Variants in GALNT18 observed in about 807,000 individuals in gnomAD.
GALNT18 encodes the protein polypeptide N-acetylgalactosaminyltransferase 18, also known as GalNAc-transferase 18.
GALNT18 carries 44 observed loss-of-function variants against 69.5 expected under a neutral mutation model. That is an observed-to-expected ratio of 0.63 (90% CI 0.50 to 0.81). The LOEUF (loss-of-function observed/expected upper bound fraction) is 0.81, where lower values mean the gene tolerates loss of function less well. GALNT18 is among the 40% of genes least tolerant of loss of function. GALNT18 has a pLI of 0.00. For synonymous variants in GALNT18, 364 were observed against 318.2 expected, an observed-to-expected ratio of 1.14 and a Z score of -1.53; for missense variants, 715 against 810.0, an observed-to-expected ratio of 0.88 and a Z score of 1.42.
At chr11:11,545,375 G>A (rs1191145472) in intron 1 of GALNT18, among the ~76,000 whole-genome samples, 1 of 152,224 alleles carries the variant, frequency 6.6e-6, no homozygotes, top group South Asian at 2.1e-4. Context: ...AGGAAAGAGG[G>A]CTTCCTTCTC....
rs534936579 is a variant in GALNT18 at position 11,413,408 on chromosome 11, G to C, written c.595+19213C>G. ...ACTTTCTCTGGAGGCCATTTGATCT[G>C]GGGAGGTGATTTTAATCAGGGATTT... On this transcript the variant is annotated intron_variant, in intron 3 of 10. Transcript: ENST00000227756. The surrounding 1 kb of genome is among the most constrained non-coding windows in gnomAD (Gnocchi z 4.7). Among the ~76,000 whole-genome samples the C allele has an allele frequency of 1.3e-5, 2 of 152,300 alleles. No individual in the cohort carries two copies. Among genetic ancestry groups the C allele is most frequent in the East Asian group, 3.9e-4 (2 of 5,180 alleles).
chr11:11,365,980 C>T (rs561645840), intron 6 of GALNT18, among the ~76,000 whole-genome samples: 3 of 152,294 alleles, frequency 2.0e-5, no homozygotes, highest in Non-Finnish European at 4.4e-5. Context: ...TGCTGTCACT[C>T]AGGACTTCCA....
chr11:11,465,087 T>C lies in GALNT18; in HGVS notation c.236-16151A>G, dbSNP rs922732870. Among the ~76,000 whole-genome samples, 1 of 152,044 alleles carries C rather than the reference T, an allele frequency of 6.6e-6. No individual in the cohort carries two copies. The highest frequency in any genetic ancestry group is 2.1e-4 in the South Asian group (1 of 4,802). On this transcript the variant is annotated intron_variant, in intron 1 of 10. Coordinates refer to ENST00000227756, the MANE Select transcript of GALNT18 (RefSeq NM_198516.3). This position sits in a 1 kb window ranked among gnomAD's most constrained non-coding sequence, Gnocchi z 5.7. ...GAGTAACTTAGAACATAAGGCAACT[T>C]CTCTATCCTCTCTACGAGGACAGAG...
intron 9 of GALNT18, among the ~76,000 whole-genome samples, chr11:11,298,870 A>G (rs368186963): frequency 3.3e-5 from 5 of 152,338 alleles, no homozygotes; most frequent in African/African-American, 9.6e-5. Context: ...GACGTTGCAG[A>G]TGAGTAGGCC....
intron 1 of GALNT18, among the ~76,000 whole-genome samples, chr11:11,513,368 C>A (rs1417861633): frequency 2.0e-5 from 3 of 152,218 alleles, no homozygotes; most frequent in Non-Finnish European, 4.4e-5. Flanking sequence ...CTGTCCCTTG[C>A]TCTGTTCTGA....
At chr11:11,571,919 G>T (rs2133998510) in intron 1 of GALNT18, among the ~76,000 whole-genome samples, 1 of 152,294 alleles carries the variant, frequency 6.6e-6, no homozygotes, top group African/African-American at 2.4e-5. Flanking sequence ...CCTCTGCCCT[G>T]GGGAAACACA....
At position 11,605,905 on chromosome 11, in the gene GALNT18, C is replaced by T. The variant is rs1019465024; in HGVS notation, c.235+15454G>A. Among the ~76,000 whole-genome samples, 5 of 152,148 alleles carry T rather than the reference C, an allele frequency of 3.3e-5. No individual in the cohort carries two copies. The highest frequency in any genetic ancestry group is 1.2e-4 in the African/African-American group (5 of 41,426). On this transcript the variant is annotated intron_variant, in intron 1 of 10. Transcript: ENST00000227756. The surrounding 1 kb of genome is among the most constrained non-coding windows in gnomAD (Gnocchi z 4.7). Reference sequence around the variant, plus strand: ...GTGTGGAAAGCACACTGCACACACGCTCATGCGCACACACACACACCACTG... The same window carrying T: ...GTGTGGAAAGCACACTGCACACACGTTCATGCGCACACACACACACCACTG...
intron 1 of GALNT18, among the ~76,000 whole-genome samples, chr11:11,552,233 G>A (rs1479042482): frequency 1.3e-5 from 2 of 152,226 alleles, no homozygotes; most frequent in East Asian, 3.8e-4. Flanking sequence ...ATGCATGTGA[G>A]AATTGTGGTC....
chr11:11,550,674 C>A (rs765403735), intron 1 of GALNT18, among the ~76,000 whole-genome samples: 2 of 152,222 alleles, frequency 1.3e-5, no homozygotes, highest in Non-Finnish European at 2.9e-5. Context: ...CCGTCTGGAG[C>A]AGCATTATCC....
chr11:11,301,157 G>A (rs530845740), intron 9 of GALNT18, among the ~76,000 whole-genome samples: 18 of 152,312 alleles, frequency 1.2e-4, no homozygotes, highest in East Asian at 1.9e-4. Context: ...CTCTGTGCCC[G>A]TCTTGAGTCT....
Position 11,619,680 on chromosome 11 carries a change from G to A in GALNT18, c.235+1679C>T, listed in dbSNP as rs1319773334. On this transcript the variant is annotated intron_variant, in intron 1 of 10. Coordinates refer to ENST00000227756, the MANE Select transcript of GALNT18 (RefSeq NM_198516.3). This position sits in a 1 kb window ranked among gnomAD's most constrained non-coding sequence, Gnocchi z 4.9. ...AAATGTCAAAGTAAGGCATGGCTTT[G>A]TGTCTCCTGGGGAACATTCTGAATC... Among the ~76,000 whole-genome samples, 1 of 152,320 alleles carries A rather than the reference G, an allele frequency of 6.6e-6. No homozygotes were observed. Among genetic ancestry groups the A allele is most frequent in the Admixed American group, 6.5e-5 (1 of 15,304 alleles).
chr11:11,315,062 GTA>G lies in GALNT18; in HGVS notation c.1512+12022_1512+12023del, dbSNP rs1491575654. The stretch of plus-strand genomic sequence containing the variant: ...TATGTGTGTGTGTGTGTGTGTGTGT[GTA>G]TGTGTGTATATATGTGTACATACAG... On this transcript the variant is annotated intron_variant, in intron 9 of 10. Coordinates refer to ENST00000227756, the MANE Select transcript of GALNT18 (RefSeq NM_198516.3). This position sits in a 1 kb window ranked among gnomAD's most constrained non-coding sequence, Gnocchi z 5.6. Among the ~76,000 whole-genome samples the G allele has an allele frequency of 5.8e-3, 860 of 147,918 alleles. 6 individuals carry two copies. The highest frequency in any genetic ancestry group is 0.02 in the South Asian group (90 of 4,608).
chr11:11,362,159 C>T (rs970633052), intron 6 of GALNT18, among the ~76,000 whole-genome samples: 7 of 151,972 alleles, frequency 4.6e-5, no homozygotes, highest in African/African-American at 1.7e-4. Flanking sequence ...ATTCCTCACA[C>T]CAAACTGCAG....
At chr11:11,578,244 A>C (rs964006895) in intron 1 of GALNT18, among the ~76,000 whole-genome samples, 1 of 150,692 alleles carries the variant, frequency 6.6e-6, no homozygotes, top group African/African-American at 2.5e-5. Context: ...AGGTTTGTAC[A>C]AGGATCTGGG....
At chr11:11,409,487 A>G (rs1007338867) in intron 3 of GALNT18, among the ~76,000 whole-genome samples, 1 of 152,048 alleles carries the variant, frequency 6.6e-6, no homozygotes, top group African/African-American at 2.4e-5. Context: ...TATCTTCACC[A>G]CAAGCCAGCC....
At chr11:11,364,545 T>C (rs557189477) in intron 6 of GALNT18, among the ~76,000 whole-genome samples, 3 of 141,996 alleles carry the variant, frequency 2.1e-5, no homozygotes, top group Non-Finnish European at 4.8e-5. Flanking sequence ...AAAAACGAAA[T>C]TACAAGAGGG....
At chr11:11,615,713 T>G (rs1860026741) in intron 1 of GALNT18, among the ~76,000 whole-genome samples, 1 of 152,028 alleles carries the variant, frequency 6.6e-6, no homozygotes, top group African/African-American at 2.4e-5. Flanking sequence ...GAATGCCAAA[T>G]AGAAAACAGA....
At position 11,598,985 on chromosome 11, in the gene GALNT18, T is replaced by G. The variant is rs919707026; in HGVS notation, c.235+22374A>C. 6.6e-6 allele frequency among the ~76,000 whole-genome samples: 1 copy of G among 152,148 alleles called. No individual in the cohort carries two copies. Among genetic ancestry groups the G allele is most frequent in the Non-Finnish European group, 1.5e-5 (1 of 68,010 alleles). ...AAGGATGAGTTCAATCCTTTGAAAT[T>G]TATTCAGGCTTGTTTTATGGCCTAG... On this transcript the variant is annotated intron_variant, in intron 1 of 10. Transcript: ENST00000227756. This position sits in a 1 kb window ranked among gnomAD's most constrained non-coding sequence, Gnocchi z 4.8.
intron 1 of GALNT18, among the ~76,000 whole-genome samples, chr11:11,599,958 G>A (rs546148482): frequency 4.6e-4 from 70 of 151,930 alleles, no homozygotes; most frequent in Non-Finnish European, 8.8e-4. Flanking sequence ...TTAGTGGTTG[G>A]TCTGAAGCTT....
Sources: gnomAD v4.1 joint callset for allele counts (sites outside exome capture counted in the v4.1 genomes callset) on GRCh38, gnomAD v4.1.1 for gene constraint, Gnocchi (gnomAD v3.1) non-coding constraint, MANE v1.5 for transcripts, NCBI Gene and HGNC (gene_info 2026-07-23, HGNC 2026-07-21) for gene names.